Variants in DACH2 observed in about 807,000 individuals in gnomAD.
The protein encoded by DACH2 is dachshund homolog 2.
A neutral mutation model predicts 35.8 loss-of-function variants in DACH2; 17 were observed. The ratio of observed to expected loss-of-function variants is 0.48; its 90% CI spans 0.33 to 0.71. The LOEUF is 0.71. Among genes scored for constraint, DACH2 ranks in the 30% least tolerant of loss-of-function variants. DACH2 has a pLI of 0.02. For synonymous variants in DACH2, 195 were observed against 177.3 expected (o/e 1.10, Z -0.79); for missense variants, 469 against 472.7 (o/e 0.99, Z 0.07).
At position 86,275,981 on chromosome X, in the gene DACH2, G is replaced by A. The variant is rs529318233; in HGVS notation, c.489-100843G>A. Among the ~76,000 whole-genome samples the A allele has an allele frequency of 3.3e-4, 37 of 112,094 alleles. No individual in the cohort carries two copies. The South Asian group carries it at 1.0e-2, about 30-fold the overall frequency. ...CTTGATAGACACTTAGGTTGATTCC[G>A]AAAATTAGCTATTGTAAACAGTGCT... On this transcript the variant is annotated intron_variant, in intron 1 of 11. Coordinates refer to ENST00000373125, the MANE Select transcript of DACH2 (RefSeq NM_053281.3).
intron 2 of DACH2, among the ~76,000 whole-genome samples, chrX:86,393,606 A>AG (rs1235393803): frequency 1.1e-4 from 12 of 111,929 alleles, no homozygotes; most frequent in African/African-American, 3.9e-4. Context: ...AGAAGAGTTA[A>AG]AGATGATTTC....
At chrX:86,332,707 T>A (rs1232594561) in intron 1 of DACH2, among the ~76,000 whole-genome samples, 1 of 111,844 alleles carries the variant, frequency 8.9e-6, no homozygotes, top group Non-Finnish European at 1.9e-5. Context: ...AATTGAATAC[T>A]TTTTTAAAAA....
chrX:86,610,344 CTCCT>C (rs1204104255), intron 3 of DACH2, among the ~76,000 whole-genome samples: 25 of 104,049 alleles, frequency 2.4e-4, no homozygotes, highest in East Asian at 6.4e-4. Flanking sequence ...CTCTTTCTTT[CTCCT>C]TCCTTCCTTC....
chrX:86,361,018 A>C (rs778830475), intron 1 of DACH2, among the ~76,000 whole-genome samples: 6 of 111,549 alleles, frequency 5.4e-5, no homozygotes, highest in Admixed American at 1.9e-4. Context: ...ACTGAAACAC[A>C]TATAAAACCT....
At chrX:86,599,504 T>TTCTC (rs2039761703) in intron 3 of DACH2, among the ~76,000 whole-genome samples, 1 of 102,662 alleles carries the variant, frequency 9.7e-6, no homozygotes, top group Admixed American at 1.1e-4. Flanking sequence ...CTTTCTTTCT[T>TTCTC]TCTTTCTTTC....
At chrX:86,246,062 A>G (rs190256934) in intron 1 of DACH2, among the ~76,000 whole-genome samples, 130 of 111,725 alleles carry the variant, frequency 1.2e-3, no homozygotes, top group African/African-American at 4.0e-3. Flanking sequence ...AGCCGAGGAA[A>G]GGATCTCAGG....
intron 1 of DACH2, among the ~76,000 whole-genome samples, chrX:86,170,361 G>A (rs899463676): frequency 5.4e-5 from 6 of 111,225 alleles, no homozygotes; most frequent in South Asian, 3.8e-4. Flanking sequence ...GTCTCTGTTC[G>A]CTTAAGGCCC....
chrX:86,417,452 T>A (rs1277738470), intron 2 of DACH2, among the ~76,000 whole-genome samples: 1 of 111,923 alleles, frequency 8.9e-6, no homozygotes, highest in Non-Finnish European at 1.9e-5. Flanking sequence ...CTCACAATAA[T>A]GGCAGAAGAC....
intron 3 of DACH2, among the ~76,000 whole-genome samples, chrX:86,536,572 A>G (rs2092226): frequency 0.08 from 8,869 of 110,832 alleles, 339 homozygotes; most frequent in East Asian, 0.24. Flanking sequence ...AACCCCCTTT[A>G]TCTTGAATCA....
intron 6 of DACH2, among the ~76,000 whole-genome samples, chrX:86,723,980 T>G (rs977836234): frequency 3.6e-5 from 4 of 111,438 alleles, no homozygotes; most frequent in African/African-American, 3.3e-5. Context: ...AATATCTTTT[T>G]TTTCACCCCT....
chrX:86,417,494 G>GCA (rs2148152583), intron 2 of DACH2, among the ~76,000 whole-genome samples: 1 of 106,553 alleles, frequency 9.4e-6, no homozygotes, highest in East Asian at 2.8e-4. Context: ...TACATGGATG[G>GCA]CAGCAGGCAA....
rs59772427 is a variant in DACH2, at chrX:86,433,093, T to C, written c.527+56231T>C. Among the ~76,000 whole-genome samples the C allele has an allele frequency of 1.4e-3, 161 of 112,024 alleles. 2 individuals carry two copies. Among genetic ancestry groups the C allele is most frequent in the African/African-American group, 4.9e-3 (150 of 30,908 alleles). On this transcript the variant is annotated intron_variant, in intron 2 of 11. Transcript: ENST00000373125. The stretch of plus-strand genomic sequence containing the variant: ...AAAATGGGGATGGTGATAACAATAG[T>C]ATCTACCTCTAGTGTTATTTTAATA...
rs150622412 is a variant in DACH2 at position 86,518,397 on chromosome X, A to G, written c.640+4006A>G. Among the ~76,000 whole-genome samples, 91 of 111,873 alleles carry G rather than the reference A, an allele frequency of 8.1e-4. 2 individuals are homozygous for G. The East Asian group carries it at 0.022, about 27-fold the overall frequency. On this transcript the variant is annotated intron_variant, in intron 3 of 11. Transcript: ENST00000373125. ...TATTTGGGCTCTTTTTTGGTTCCAG[A>G]TAAATTTTAAAATAGGTTTTTCTAG...
chrX:86,488,788 T>C, intron 2 of DACH2, among the ~76,000 whole-genome samples: 1 of 111,692 alleles, frequency 9.0e-6, no homozygotes. Context: ...ATTGAAATCA[T>C]TGAGAAGTTA....
intron 2 of DACH2, among the ~76,000 whole-genome samples, chrX:86,494,821 T>C (rs765796047): frequency 8.9e-6 from 1 of 112,250 alleles, no homozygotes; most frequent in East Asian, 2.8e-4. Flanking sequence ...TTTACAAATA[T>C]GAGTAGTATA....
intron 1 of DACH2, among the ~76,000 whole-genome samples, chrX:86,286,940 T>A (rs1241625989): frequency 8.9e-6 from 1 of 111,988 alleles, no homozygotes; most frequent in Non-Finnish European, 1.9e-5. Context: ...ATTCTGTGTT[T>A]TTTTCTGTAA....
intron 3 of DACH2, among the ~76,000 whole-genome samples, chrX:86,583,495 A>G (rs1241151933): frequency 1.8e-5 from 2 of 111,045 alleles, no homozygotes; most frequent in Non-Finnish European, 3.8e-5. Flanking sequence ...TTGATTCAAT[A>G]AACTACTTCA....
chrX:86,522,573 A>T (rs2038571597), intron 3 of DACH2, among the ~76,000 whole-genome samples: 1 of 111,519 alleles, frequency 9.0e-6, no homozygotes, highest in Non-Finnish European at 1.9e-5. Context: ...ATACATTATA[A>T]CACTAAAATA....
At chrX:86,433,899 C>G (rs922174474) in intron 2 of DACH2, among the ~76,000 whole-genome samples, 1 of 111,677 alleles carries the variant, frequency 9.0e-6, no homozygotes, top group African/African-American at 3.3e-5. Flanking sequence ...CAATGCCAAA[C>G]ATTATCATGC....
Sources: allele counts gnomAD v4.1 joint callset (sites outside exome capture counted in the v4.1 genomes callset), GRCh38; gene constraint gnomAD v4.1.1; transcripts MANE v1.5; gene names NCBI Gene and HGNC (gene_info 2026-07-23, HGNC 2026-07-21).